FAM135B: variants seen among roughly 807,000 people sequenced by gnomAD.
FAM135B encodes the protein protein FAM135B.
Under a neutral mutation model 127.7 loss-of-function variants are expected in FAM135B, and 43 were observed. That is an observed-to-expected ratio of 0.34 (90% CI 0.26 to 0.43). The LOEUF (loss-of-function observed/expected upper bound fraction) is 0.43. Ranked by LOEUF, FAM135B falls within the 20% of genes least tolerant of loss-of-function variation. The probability of loss-of-function intolerance (pLI) is 1.00; values close to 1 mark genes in which losing one functional copy is unlikely to be tolerated. For missense variants in FAM135B, 1,558 were observed against 1,725.6 expected (o/e 0.90, Z 1.72); for synonymous variants, 670 against 665.1 (o/e 1.01, Z -0.11).
chr8:138,433,157 T>C (rs1443278736), intron 1 of FAM135B, among the ~76,000 whole-genome samples: 1 of 152,120 alleles, frequency 6.6e-6, no homozygotes, highest in Non-Finnish European at 1.5e-5. Context: ...GAAAACAAGA[T>C]TTACTGATTA....
At chr8:138,226,184 T>TGTGTGTGTGTGTGCGCGCAC in intron 7 of FAM135B, among the ~76,000 whole-genome samples, 1 of 139,202 alleles carries the variant, frequency 7.2e-6, no homozygotes, top group East Asian at 2.2e-4. Flanking sequence ...TGTGTGTGTG[T>TGTGTGTGTGTGTGCGCGCAC]GCGCGCATGT....
chr8:138,237,150 A>ATT (rs10604150), intron 7 of FAM135B, among the ~76,000 whole-genome samples: 4,633 of 101,026 alleles, frequency 0.046, 115 homozygotes, highest in East Asian at 0.18. Context: ...TGGATCCTTG[A>ATT]TTTTTTTTTT....
chr8:138,469,236 G>T (rs148391840), intron 1 of FAM135B, among the ~76,000 whole-genome samples: 13 of 152,070 alleles, frequency 8.5e-5, no homozygotes, highest in African/African-American at 2.7e-4. Flanking sequence ...GAGAGAGAAA[G>T]AAAGTTACTG....
At chr8:138,402,174 C>T (rs1401484848) in intron 1 of FAM135B, among the ~76,000 whole-genome samples, 3 of 151,132 alleles carry the variant, frequency 2.0e-5, no homozygotes, top group Non-Finnish European at 4.4e-5. Context: ...CTTAGAAATC[C>T]GCAGACTCAG....
At chr8:138,197,163 A>G (rs1816714569) in intron 8 of FAM135B, among the ~76,000 whole-genome samples, 1 of 151,982 alleles carries the variant, frequency 6.6e-6, no homozygotes. Flanking sequence ...CTTGTAAGTT[A>G]CAATTCCATA....
intron 9 of FAM135B, among the ~76,000 whole-genome samples, chr8:138,180,997 T>G (rs1231893374): frequency 2.0e-5 from 3 of 151,908 alleles, no homozygotes; most frequent in Admixed American, 6.6e-5. Flanking sequence ...TCCCAGAACT[T>G]TGGGAGGCTG....
At chr8:138,185,060 A>G (rs1255711326) in intron 9 of FAM135B, among the ~76,000 whole-genome samples, 2 of 152,174 alleles carry the variant, frequency 1.3e-5, no homozygotes, top group African/African-American at 4.8e-5. Context: ...CTCTAGAGTT[A>G]GTGCTGTGAA....
At position 138,398,627 on chromosome 8, in the gene FAM135B, C is replaced by T. The variant is rs1311512609; in HGVS notation, c.-19-30625G>A. Among the ~76,000 whole-genome samples, 4 of 152,104 alleles carry T rather than the reference C, an allele frequency of 2.6e-5. No homozygotes were observed. In the East Asian group the frequency reaches 7.7e-4, roughly 29 times the overall value. On this transcript the variant is annotated intron_variant, in intron 1 of 19. Coordinates refer to ENST00000395297, the MANE Select transcript of FAM135B (RefSeq NM_015912.4). ...GAAAGAATGCAGACATTAGAAGCTG[C>T]ATGTGGGAGGAAGTGGCATAGGGAG...
At chr8:138,398,707 TTTAAGGCAATG>T (rs2131355370) in intron 1 of FAM135B, among the ~76,000 whole-genome samples, 1 of 152,286 alleles carries the variant, frequency 6.6e-6, no homozygotes, top group African/African-American at 2.4e-5. Flanking sequence ...ATCGACTAAT[TTTAAGGCAATG>T]TTGAGGCAAT....
intron 10 of FAM135B, among the ~76,000 whole-genome samples, chr8:138,178,288 C>T (rs1814679317): frequency 6.6e-6 from 1 of 151,788 alleles, no homozygotes; most frequent in African/African-American, 2.4e-5. Context: ...TTCCAAAATA[C>T]TTTTAATATT....
chr8:138,462,335 T>G (rs1407427598), intron 1 of FAM135B, among the ~76,000 whole-genome samples: 1 of 152,202 alleles, frequency 6.6e-6, no homozygotes, highest in African/African-American at 2.4e-5. Flanking sequence ...TGCAGAATAC[T>G]TTCCTATTTG....
chr8:138,383,362 C>CAT (rs1251562078), intron 1 of FAM135B, among the ~76,000 whole-genome samples: 3 of 152,192 alleles, frequency 2.0e-5, no homozygotes, highest in Non-Finnish European at 4.4e-5. Context: ...TAAAAACACA[C>CAT]ATATCTAGCA....
intron 2 of FAM135B, among the ~76,000 whole-genome samples, chr8:138,364,551 C>A (rs1032211903): frequency 6.6e-6 from 1 of 152,134 alleles, no homozygotes; most frequent in African/African-American, 2.4e-5. Flanking sequence ...TGCCTAAATA[C>A]GCACCTTCCT....
intron 7 of FAM135B, among the ~76,000 whole-genome samples, chr8:138,211,164 A>G (rs1445982127): frequency 6.6e-6 from 1 of 152,238 alleles, no homozygotes; most frequent in Non-Finnish European, 1.5e-5. Context: ...GAGACCACTT[A>G]GTGGACCCTG....
chr8:138,466,810 C>A (rs562178536), intron 1 of FAM135B, among the ~76,000 whole-genome samples: 1 of 152,304 alleles, frequency 6.6e-6, no homozygotes, highest in South Asian at 2.1e-4. Flanking sequence ...TTTACGTCAA[C>A]CTCAGCGGTT....
rs771181390 is a variant in FAM135B, at chr8:138,131,498, G to C, written c.*1095C>G. ...TCACTTTTGTCCCTGTCGTCTATTGGTTTTTATCAACGCAGTGACCTTTCC... is the reference window on the plus strand; with the variant it reads ...TCACTTTTGTCCCTGTCGTCTATTGCTTTTTATCAACGCAGTGACCTTTCC... On this transcript the variant is annotated 3_prime_UTR_variant, in exon 20 of 20. Transcript: ENST00000395297. 1 of 152,554 alleles carries C rather than the reference G, an allele frequency of 6.6e-6. No homozygotes were observed. Among genetic ancestry groups the C allele is most frequent in the African/African-American group, 2.4e-5 (1 of 41,416 alleles). The allele number at this position is 152,554 out of a possible 1,614,324, so 9.5% of individuals were successfully genotyped here.
Position 138,151,622 on chromosome 8 carries a change from T to G in FAM135B, c.2853A>C (p.Thr951=), listed in dbSNP as rs781757281. The part of the protein sequence containing the change: ...SAADAINRNS[T]GQQSQSGSPC... ...GTGAACCGCTTTGGCTTTGCTGGCCTGTTGAGTTCCTGTTGATGGCATCAG... is the reference window on the plus strand; with the variant it reads ...GTGAACCGCTTTGGCTTTGCTGGCCGGTTGAGTTCCTGTTGATGGCATCAG... Residue 951 remains threonine, a synonymous_variant, in exon 13 of 20, where the codon ACA becomes ACC. Transcript: ENST00000395297. 1 of 1,614,212 alleles carries G rather than the reference T, an allele frequency of 6.2e-7. No individual in the cohort carries two copies. The highest frequency in any genetic ancestry group is 8.5e-7 in the Non-Finnish European group (1 of 1,180,024).
rs147301466 is a variant in FAM135B at position 138,254,246 on chromosome 8, TAC to T, written c.368+2441_368+2442del. Among the ~76,000 whole-genome samples, 791 of 152,360 alleles carry T rather than the reference TAC, an allele frequency of 5.2e-3. 4 individuals are homozygous for T. Among genetic ancestry groups the T allele is most frequent in the African/African-American group, 0.018 (751 of 41,580 alleles). ...CCAATGTTTTATAGTTGTTGAGTTT[TAC>T]ACACTTTGAATAAACCAATCTCCTG... On this transcript the variant is annotated intron_variant, in intron 5 of 19. Transcript: ENST00000395297.
intron 9 of FAM135B, among the ~76,000 whole-genome samples, chr8:138,188,000 C>T (rs928354958): frequency 6.6e-6 from 1 of 152,116 alleles, no homozygotes; most frequent in African/African-American, 2.4e-5. Context: ...TTAGTGAATG[C>T]CTTCACCTGC....
Sources: allele counts gnomAD v4.1 joint callset (sites outside exome capture counted in the v4.1 genomes callset), GRCh38; gene constraint gnomAD v4.1.1; transcripts MANE v1.5; gene names NCBI Gene and HGNC (gene_info 2026-07-23, HGNC 2026-07-21).